PTPRD: variants seen among roughly 807,000 people sequenced by gnomAD.
PTPRD encodes protein tyrosine phosphatase receptor type D.
A neutral mutation model predicts 214.5 loss-of-function variants in PTPRD; 34 were observed. The observed-to-expected ratio is 0.16, with a 90% CI of 0.12 to 0.21. The LOEUF (loss-of-function observed/expected upper bound fraction) is 0.21, where lower values mean the gene tolerates loss of function less well. Ranked by LOEUF, PTPRD falls within the 10% of genes least tolerant of loss-of-function variation. PTPRD has a pLI of 1.00. For synonymous variants in PTPRD, 1,128 were observed against 845.7 expected, an observed-to-expected ratio of 1.33 and a Z score of -5.79; for missense variants, 2,545 against 2,398.7, an observed-to-expected ratio of 1.06 and a Z score of -1.27.
intron 7 of PTPRD, among the ~76,000 whole-genome samples, chr9:9,720,562 T>C (rs907627588): frequency 6.6e-6 from 1 of 152,148 alleles, no homozygotes; most frequent in Non-Finnish European, 1.5e-5. Context: ...TTAGAAGTGA[T>C]GGGAATAACC....
intron 43 of PTPRD, among the ~76,000 whole-genome samples, chr9:8,332,988 T>C (rs780089400): frequency 9.2e-5 from 14 of 152,274 alleles, no homozygotes; most frequent in South Asian, 2.1e-4. Flanking sequence ...TCCTTTATCA[T>C]TCACTCATAT....
At chr9:8,648,350 G>A (rs1363129719) in intron 12 of PTPRD, among the ~76,000 whole-genome samples, 1 of 152,184 alleles carries the variant, frequency 6.6e-6, no homozygotes, top group Non-Finnish European at 1.5e-5. Flanking sequence ...GATGTGCTTA[G>A]TAAGGCTGGC....
chr9:10,189,779 T>C (rs2099354362), intron 3 of PTPRD, among the ~76,000 whole-genome samples: 1 of 152,060 alleles, frequency 6.6e-6, no homozygotes, highest in African/African-American at 2.4e-5. Flanking sequence ...AATCAAAACA[T>C]TCTTTCTAGA....
chr9:9,740,310 T>A (rs2098380527), intron 6 of PTPRD, among the ~76,000 whole-genome samples: 1 of 152,216 alleles, frequency 6.6e-6, no homozygotes, highest in Admixed American at 6.5e-5. Flanking sequence ...CATAGTCTTT[T>A]GTTCAACAGA....
chr9:9,885,995 A>G (rs2070752082), intron 5 of PTPRD, among the ~76,000 whole-genome samples: 1 of 151,622 alleles, frequency 6.6e-6, no homozygotes, highest in Non-Finnish European at 1.5e-5. Context: ...AAAAAAAAAA[A>G]AGATTCAAAG....
chr9:10,177,997 C>CT (rs777046507), intron 3 of PTPRD, among the ~76,000 whole-genome samples: 5 of 151,862 alleles, frequency 3.3e-5, no homozygotes, highest in Non-Finnish European at 7.4e-5. Context: ...TAGAGGAGCA[C>CT]TTTCTAGTTG....
At chr9:10,422,685 C>T (rs887309023) in intron 2 of PTPRD, among the ~76,000 whole-genome samples, 3 of 152,044 alleles carry the variant, frequency 2.0e-5, no homozygotes, top group Non-Finnish European at 2.9e-5. Context: ...ATTTATGCTG[C>T]CAACAGACAC....
At chr9:8,788,181 CA>C (rs2096068746) in intron 11 of PTPRD, among the ~76,000 whole-genome samples, 1 of 143,946 alleles carries the variant, frequency 6.9e-6, no homozygotes, top group Non-Finnish European at 1.5e-5. Context: ...ATTAAGAAAG[CA>C]AAAAATGGTT....
intron 5 of PTPRD, among the ~76,000 whole-genome samples, chr9:9,838,428 C>T (rs1404642410): frequency 6.6e-6 from 1 of 151,996 alleles, no homozygotes; most frequent in African/African-American, 2.4e-5. Flanking sequence ...TCTCCAGCAC[C>T]TGTTGTTTCC....
At chr9:10,344,710 G>A (rs1306684610) in intron 2 of PTPRD, among the ~76,000 whole-genome samples, 1 of 152,042 alleles carries the variant, frequency 6.6e-6, no homozygotes, top group East Asian at 1.9e-4. Flanking sequence ...ATTTCATTGA[G>A]CAGTGGTTTG....
At chr9:10,300,493 G>C (rs572889289) in intron 3 of PTPRD, among the ~76,000 whole-genome samples, 43 of 152,338 alleles carry the variant, frequency 2.8e-4, no homozygotes, top group Admixed American at 9.2e-4. Flanking sequence ...ACCACCCGGA[G>C]CCCAGCAAGC....
chr9:9,846,644 G>A (rs1041750276), intron 5 of PTPRD, among the ~76,000 whole-genome samples: 1 of 152,084 alleles, frequency 6.6e-6, no homozygotes, highest in South Asian at 2.1e-4. Context: ...GTTTTGTATT[G>A]TGAAGACAGA....
At chr9:10,476,735 A>G (rs1470368127) in intron 2 of PTPRD, among the ~76,000 whole-genome samples, 2 of 152,130 alleles carry the variant, frequency 1.3e-5, no homozygotes, top group Non-Finnish European at 2.9e-5. Context: ...CTGACTTCAA[A>G]CTACATTACA....
chr9:9,230,221 C>A (rs117154542), intron 9 of PTPRD, among the ~76,000 whole-genome samples: 1 of 151,708 alleles, frequency 6.6e-6, no homozygotes, highest in Non-Finnish European at 1.5e-5. Context: ...TGGGGCGGTT[C>A]GACAGAAAGA....
chr9:9,982,985 G>A (rs2095595820), intron 4 of PTPRD, among the ~76,000 whole-genome samples: 1 of 151,758 alleles, frequency 6.6e-6, no homozygotes, highest in Non-Finnish European at 1.5e-5. Flanking sequence ...ATACATGCCT[G>A]CCTAAAATCA....
chr9:8,316,513 T>G lies in PTPRD; in HGVS notation c.*1361A>C. On this transcript the variant is annotated 3_prime_UTR_variant, in exon 46 of 46. Transcript: ENST00000381196. ...GCACATACTATAGACAATATACGAT[T>G]GAATACACTTTTTTTAAACAACTCG... 4.3e-6 allele frequency: 1 copy of G among 230,556 alleles called. No individual in the cohort carries two copies. The highest frequency in any genetic ancestry group is 8.6e-6 in the Non-Finnish European group (1 of 116,214). 14.3% of individuals were successfully genotyped at this position (230,556 alleles called of 1,614,324 possible).
intron 12 of PTPRD, among the ~76,000 whole-genome samples, chr9:8,707,540 G>A (rs1429630196): frequency 1.3e-5 from 2 of 152,350 alleles, no homozygotes; most frequent in East Asian, 1.9e-4. Context: ...CATGGGCTAA[G>A]AAATTCATAT....
chr9:8,918,155 T>G (rs1026835628), intron 11 of PTPRD, among the ~76,000 whole-genome samples: 7 of 152,156 alleles, frequency 4.6e-5, no homozygotes, highest in Admixed American at 1.3e-4. Context: ...GAAAGGTTGC[T>G]TATTTCCTCC....
At chr9:9,979,163 T>C (rs1263977847) in intron 4 of PTPRD, among the ~76,000 whole-genome samples, 2 of 152,066 alleles carry the variant, frequency 1.3e-5, no homozygotes, top group East Asian at 1.9e-4. Context: ...GAATATGATA[T>C]GGGACATAAA....
Sources: gnomAD v4.1 joint callset for allele counts (sites outside exome capture counted in the v4.1 genomes callset) on GRCh38, gnomAD v4.1.1 for gene constraint, MANE v1.5 for transcripts, NCBI Gene and HGNC (gene_info 2026-07-23, HGNC 2026-07-21) for gene names.